TSPO: variants seen among roughly 807,000 people sequenced by gnomAD.
The protein encoded by TSPO is benzodiazepine peripheral binding site.
In TSPO, 14 loss-of-function variants were observed where a neutral mutation model predicts 13.9. That is an observed-to-expected ratio of 1.01 (90% confidence interval 0.67 to 1.58). TSPO has a LOEUF of 1.58. Among genes scored for constraint, TSPO ranks in the 40% most tolerant of loss-of-function variants. The probability of loss-of-function intolerance (pLI) is 0.00; values close to 1 mark genes in which losing one functional copy is unlikely to be tolerated. For missense variants in TSPO, 232 were observed against 229.6 expected, an observed-to-expected ratio of 1.01 and a Z score of -0.07; for synonymous variants, 114 against 105.9, an observed-to-expected ratio of 1.08 and a Z score of -0.47.
chr22:43,152,808 G>A (rs1931114751), intron 1 of TSPO, among the ~76,000 whole-genome samples: 1 of 152,224 alleles, frequency 6.6e-6, no homozygotes, highest in South Asian at 2.1e-4. Flanking sequence ...TGTGCCCCGA[G>A]GACCACTTTC....
intron 1 of TSPO, among the ~76,000 whole-genome samples, chr22:43,153,004 T>G (rs1436786145): frequency 6.6e-6 from 1 of 152,176 alleles, no homozygotes; most frequent in Non-Finnish European, 1.5e-5. Flanking sequence ...CTTTCTTCCT[T>G]TCTTCCGTCC....
At chr22:43,155,147 G>C (rs1931211583) in intron 1 of TSPO, among the ~76,000 whole-genome samples, 1 of 152,294 alleles carries the variant, frequency 6.6e-6, no homozygotes, top group East Asian at 1.9e-4. Context: ...GAGTCACTCG[G>C]ACCTAGAAAG....
At chr22:43,158,995 G>A (rs1201109106) in intron 1 of TSPO, among the ~76,000 whole-genome samples, 2 of 152,160 alleles carry the variant, frequency 1.3e-5, no homozygotes, top group Non-Finnish European at 2.9e-5. Context: ...CCAAGGTCGA[G>A]GTGAGGGTGG....
In TSPO at chr22:43,159,072, C is replaced by T. The variant is rs1019348718; in HGVS notation, c.-29-138C>T. The stretch of plus-strand genomic sequence containing the variant: ...AAATGCGTTCACTCAGCCACTCCCA[C>T]CCCGCACATCTCTGCGCCTCCTGAT... On this transcript the variant is annotated intron_variant, in intron 1 of 3. Transcript: ENST00000337554. The T allele has an allele frequency of 2.3e-5, 15 of 645,196 alleles. No homozygotes were observed. In the African/African-American group the frequency reaches 2.7e-4, roughly 12 times the overall value. 40.0% of individuals were successfully genotyped at this position (645,196 alleles called of 1,614,324 possible).
intron 1 of TSPO, among the ~76,000 whole-genome samples, chr22:43,152,381 A>G (rs1461447090): frequency 6.6e-6 from 1 of 152,240 alleles, no homozygotes; most frequent in African/African-American, 2.4e-5. Flanking sequence ...CAGGAGAGAC[A>G]GGACTTGAGG....
chr22:43,155,302 C>T (rs887651998), intron 1 of TSPO, among the ~76,000 whole-genome samples: 5 of 152,136 alleles, frequency 3.3e-5, no homozygotes, highest in South Asian at 2.1e-4. Context: ...AGGCGGTGAC[C>T]GTCGGGATGA....
Position 43,162,912 on chromosome 22 carries a change from T to C in TSPO, c.431T>C (p.Leu144Pro). ...ARLLYPYLAW[L>P]AFTTTLNYCV... ...CTGCTCTACCCCTACCTGGCCTGGC[T>C]GGCCTTCACGACCACACTCAACTAC... is the stretch of plus-strand genomic sequence containing the variant. The change falls in exon 4 of 4, where the codon CTG becomes CCG. Residue 144 changes from leucine (L) to proline (P), a missense_variant. By Grantham distance (98) the Leu-to-Pro change is moderately conservative. Coordinates refer to ENST00000337554, the MANE Select transcript of TSPO (RefSeq NM_000714.6). 1 of 1,593,374 alleles carries C rather than the reference T, an allele frequency of 6.3e-7. No homozygotes were observed.
intron 1 of TSPO, among the ~76,000 whole-genome samples, chr22:43,156,843 A>G (rs1931265934): frequency 6.6e-6 from 1 of 152,152 alleles, no homozygotes; most frequent in African/African-American, 2.4e-5. Flanking sequence ...GGACAGGGAC[A>G]CCTGTGAGTG....
chr22:43,153,642 C>T (rs62232061), intron 1 of TSPO, among the ~76,000 whole-genome samples: 67,841 of 124,672 alleles, frequency 0.54, 20,700 homozygotes, highest in East Asian at 0.99. Context: ...TGAGCCACCG[C>T]GCCCGGCTTA....
Position 43,162,980 on chromosome 22 carries a change from C to T in TSPO, c.499C>T (p.Leu167=). 6.3e-7 allele frequency: 1 copy of T among 1,582,578 alleles called. No homozygotes were observed. The highest frequency in any genetic ancestry group is 8.6e-7 in the Non-Finnish European group (1 of 1,165,278). Residue 167 remains leucine (L), a synonymous_variant, in exon 4 of 4, where the codon CTG becomes TTG. Transcript: ENST00000337554. ...DNHGWRGGRR[L]PE is the part of the protein sequence containing the mutation. Reference sequence around the variant, plus strand: ...CCATGGCTGGCGTGGGGGACGGCGGCTGCCAGAGTGAGTGCCCGGCCCACC... The same window carrying T: ...CCATGGCTGGCGTGGGGGACGGCGGTTGCCAGAGTGAGTGCCCGGCCCACC...
chr22:43,161,126 C>G lies in TSPO; in HGVS notation c.257C>G (p.Thr86Ser), dbSNP rs1327944117. 2.5e-6 allele frequency: 4 copies of G among 1,614,198 alleles called. No homozygotes were observed. The highest frequency in any genetic ancestry group is 3.4e-6 in the Non-Finnish European group (4 of 1,180,002). ...GCTGTGGTTCCCCTGGGCCTCTACA[C>G]TGGGCAGCTGGCCCTGAACTGGGCA... The part of the protein sequence containing the change: ...EKAVVPLGLY[T>S]GQLALNWAWP... The change falls in exon 3 of 4, where the codon ACT becomes AGT. Residue 86 changes from threonine (T) to serine (S), a missense_variant. Physicochemically the swap from Thr to Ser is moderately conservative, Grantham distance 58. Coordinates refer to ENST00000337554, the MANE Select transcript of TSPO (RefSeq NM_000714.6).
chr22:43,163,167 G>C lies in TSPO; in HGVS notation c.*176G>C. The C allele has an allele frequency of 1.4e-6, 2 of 1,439,974 alleles. No homozygotes were observed. Among genetic ancestry groups the C allele is most frequent in the South Asian group, 1.5e-5 (1 of 68,158 alleles). The allele number at this position is 1,439,974 out of a possible 1,614,324, so 89.2% of individuals were successfully genotyped here. A position where few individuals can be genotyped will look rare whatever the true frequency, so the allele number is the denominator to read the frequency against. ...AGCCCCCACCCGGGAGCAGTGTCCT[G>C]TGCTTTCTGCATGCTTAGAGCATGT... On this transcript the variant is annotated 3_prime_UTR_variant, in exon 4 of 4. Transcript: ENST00000337554.
At chr22:43,162,658 G>A (rs1489110354) in intron 3 of TSPO, 145 bp from the exon 4 acceptor site, 12 of 762,856 alleles carry the variant, frequency 1.6e-5, no homozygotes, top group East Asian at 5.5e-5. Flanking sequence ...GATGGGGGAG[G>A]GGCTTGGCCA....
intron 1 of TSPO, among the ~76,000 whole-genome samples, chr22:43,153,109 C>T (rs200319822): frequency 2.3e-5 from 3 of 131,360 alleles, no homozygotes; most frequent in East Asian, 2.1e-4. Context: ...TCTTTCCTTT[C>T]TCTTTCTCTT....
rs572350234 is a variant in TSPO, at chr22:43,162,318, T to C, written c.322-485T>C. On this transcript the variant is annotated intron_variant, in intron 3 of 3. Transcript: ENST00000337554. ...TTTATTTTTAGTAGAGACGGGGTTT[T>C]ACCATATTGGTCAGGTTGGTCTTGA... Among the ~76,000 whole-genome samples, 354 of 151,924 alleles carry C rather than the reference T, an allele frequency of 2.3e-3. 1 individual carries two copies. Among genetic ancestry groups the C allele is most frequent in the Non-Finnish European group, 4.4e-3 (296 of 67,896 alleles).
intron 1 of TSPO, among the ~76,000 whole-genome samples, chr22:43,158,704 C>G (rs1402909778): frequency 6.6e-6 from 1 of 152,104 alleles, no homozygotes; most frequent in Non-Finnish European, 1.5e-5. Context: ...CCCACTCTAC[C>G]GAGGGGGAAA....
intron 1 of TSPO, among the ~76,000 whole-genome samples, chr22:43,152,681 AG>A (rs1295088080): frequency 2.6e-5 from 4 of 152,244 alleles, no homozygotes; most frequent in Non-Finnish European, 4.4e-5. Flanking sequence ...GCAGCCCCAC[AG>A]GGAGGTTCGG....
chr22:43,155,576 A>G (rs967616993), intron 1 of TSPO, among the ~76,000 whole-genome samples: 1 of 152,130 alleles, frequency 6.6e-6, no homozygotes, highest in African/African-American at 2.4e-5. Flanking sequence ...GTGGCCCCAC[A>G]CTGATACCCA....
chr22:43,154,383 G>C lies in TSPO; in HGVS notation c.-30+2779G>C, dbSNP rs377018212. Among the ~76,000 whole-genome samples, 4 of 151,964 alleles carry C rather than the reference G, an allele frequency of 2.6e-5. 1 individual carries two copies. Among genetic ancestry groups the C allele is most frequent in the Middle Eastern group, 6.8e-3 (2 of 294 alleles). On this transcript the variant is annotated intron_variant, in intron 1 of 3. Transcript: ENST00000337554. Reference sequence around the variant, plus strand: ...TTATTTATTTATTTATTTTGAGACAGAGTCTTGCTCTGTTGCCCAGGCTGG... The same window carrying C: ...TTATTTATTTATTTATTTTGAGACACAGTCTTGCTCTGTTGCCCAGGCTGG...
Sources: gnomAD v4.1 joint callset for allele counts (sites outside exome capture counted in the v4.1 genomes callset) on GRCh38, gnomAD v4.1.1 for gene constraint, MANE v1.5 for transcripts, NCBI Gene and HGNC (gene_info 2026-07-23, HGNC 2026-07-21) for gene names.